Variants in SRGAP1 observed in about 807,000 individuals in gnomAD.
The protein encoded by SRGAP1 is SLIT-ROBO Rho GTPase activating protein 1, also known as SLIT-ROBO Rho GTPase-activating protein 1.
Under a neutral mutation model 121.9 loss-of-function variants are expected in SRGAP1, and 43 were observed. That is an observed-to-expected ratio of 0.35 (90% CI 0.28 to 0.46). The LOEUF is 0.46. SRGAP1 is among the 20% of genes least tolerant of loss of function. SRGAP1 has a pLI of 1.00. For missense variants in SRGAP1, 1,102 were observed against 1,350.9 expected (o/e 0.82, Z 2.89); for synonymous variants, 447 against 485.4 (o/e 0.92, Z 1.04).
intron 1 of SRGAP1, among the ~76,000 whole-genome samples, chr12:63,896,522 CTG>C (rs1333956785): frequency 6.6e-6 from 1 of 152,104 alleles, no homozygotes; most frequent in Non-Finnish European, 1.5e-5. Context: ...ATAAGGCAGA[CTG>C]TGGGTAAGAG....
intron 1 of SRGAP1, among the ~76,000 whole-genome samples, chr12:63,909,046 C>T (rs2030362836): frequency 6.6e-6 from 1 of 152,124 alleles, no homozygotes; most frequent in African/African-American, 2.4e-5. Context: ...CATGCCATCA[C>T]ACCCAGCTAA....
At chr12:64,031,643 A>G (rs7295635) in intron 4 of SRGAP1, among the ~76,000 whole-genome samples, 58,763 of 151,930 alleles carry the variant, frequency 0.39, 12,073 homozygotes, top group Non-Finnish European at 0.48. Flanking sequence ...GTCATCCTAC[A>G]CTATTTCCTC....
At chr12:63,973,171 A>G (rs2033005373) in intron 1 of SRGAP1, among the ~76,000 whole-genome samples, 1 of 152,166 alleles carries the variant, frequency 6.6e-6, no homozygotes, top group South Asian at 2.1e-4. Flanking sequence ...AGTAAATGAT[A>G]GAAATGACAC....
chr12:63,912,729 A>T (rs974118810), intron 1 of SRGAP1, among the ~76,000 whole-genome samples: 1 of 152,182 alleles, frequency 6.6e-6, no homozygotes, highest in Non-Finnish European at 1.5e-5. Context: ...AGAGAAATAT[A>T]AACGCTGTTG....
intron 1 of SRGAP1, among the ~76,000 whole-genome samples, chr12:63,962,313 T>C (rs2032665771): frequency 2.0e-5 from 3 of 152,220 alleles, no homozygotes; most frequent in African/African-American, 7.2e-5. Context: ...AATTCTAGTT[T>C]AAGGAGACTT....
rs1184361070 is a variant in SRGAP1 at position 63,867,425 on chromosome 12, A to G, written c.67+22542A>G. On this transcript the variant is annotated intron_variant, in intron 1 of 21. Transcript: ENST00000355086. ...AATGGAATAGTGGTGGCATTTACCA[A>G]TAGCCACCTCTGTACTTTTATCTGC... Among the ~76,000 whole-genome samples the G allele has an allele frequency of 3.9e-5, 6 of 152,200 alleles. No homozygotes were observed. The East Asian group carries it at 5.8e-4, about 15-fold the overall frequency.
At position 64,116,771 on chromosome 12, in the gene SRGAP1, G is replaced by A. The variant is rs1208931570; in HGVS notation, c.2224+878G>A. ...CTAGGATGTATGCCTAGGAGTAACCGTGTCTTCAGCTTTACTCTATACTGT... is the reference window on the plus strand; with the variant it reads ...CTAGGATGTATGCCTAGGAGTAACCATGTCTTCAGCTTTACTCTATACTGT... On this transcript the variant is annotated intron_variant, in intron 18 of 21. Coordinates refer to ENST00000355086, the MANE Select transcript of SRGAP1 (RefSeq NM_020762.4). Among the ~76,000 whole-genome samples, 10 of 152,160 alleles carry A rather than the reference G, an allele frequency of 6.6e-5. No individual in the cohort carries two copies. In the East Asian group the frequency reaches 1.7e-3, roughly 26 times the overall value.
intron 8 of SRGAP1, among the ~76,000 whole-genome samples, chr12:64,068,838 C>T (rs953184338): frequency 1.1e-4 from 16 of 151,484 alleles, no homozygotes; most frequent in Admixed American, 9.2e-4. Flanking sequence ...GGCAAAACGC[C>T]GTCTCTACTA....
At chr12:63,880,924 C>T (rs2136286122) in intron 1 of SRGAP1, among the ~76,000 whole-genome samples, 1 of 152,290 alleles carries the variant, frequency 6.6e-6, no homozygotes, top group South Asian at 2.1e-4. Flanking sequence ...ACCAGCCTTC[C>T]TTTATCTGCA....
At chr12:64,068,433 C>T (rs1399594898) in intron 8 of SRGAP1, among the ~76,000 whole-genome samples, 1 of 151,908 alleles carries the variant, frequency 6.6e-6, no homozygotes, top group Non-Finnish European at 1.5e-5. Context: ...CTCACAGGCT[C>T]AGGTGATCCT....
chr12:63,966,955 G>C (rs1295667785), intron 1 of SRGAP1, among the ~76,000 whole-genome samples: 2 of 152,038 alleles, frequency 1.3e-5, no homozygotes, highest in African/African-American at 4.8e-5. Flanking sequence ...TTTTTCCTAA[G>C]AATTTCCATA....
chr12:63,981,973 G>A (rs910962435), intron 1 of SRGAP1, among the ~76,000 whole-genome samples: 1 of 152,122 alleles, frequency 6.6e-6, no homozygotes, highest in Admixed American at 6.5e-5. Context: ...CAGCACTTTG[G>A]GAGGCCGAGG....
rs1382999549 is a variant in SRGAP1, at chr12:64,161,173, A to G, written c.*18501A>G. The G allele has an allele frequency of 6.6e-6, 1 of 152,220 alleles. No homozygotes were observed. The highest frequency in any genetic ancestry group is 2.1e-4 in the South Asian group (1 of 4,836). The allele number at this position is 152,220 out of a possible 1,614,324, so 9.4% of individuals were successfully genotyped here. A position where few individuals can be genotyped will look rare whatever the true frequency, so the allele number is the denominator to read the frequency against. Reference sequence around the variant, plus strand: ...TATGTACATAAGTAGATAAAAATTAATTCATTCTCAAAATCTTCCACAGAA... The same window carrying G: ...TATGTACATAAGTAGATAAAAATTAGTTCATTCTCAAAATCTTCCACAGAA... On this transcript the variant is annotated 3_prime_UTR_variant, in exon 22 of 22. Coordinates refer to ENST00000355086, the MANE Select transcript of SRGAP1 (RefSeq NM_020762.4).
chr12:64,104,102 C>T (rs2036301402), intron 15 of SRGAP1, among the ~76,000 whole-genome samples: 1 of 152,148 alleles, frequency 6.6e-6, no homozygotes, highest in Admixed American at 6.5e-5. Flanking sequence ...CAAACAAATA[C>T]TTCTACAAAT....
At chr12:64,134,297 T>C (rs1475711639) in intron 21 of SRGAP1, among the ~76,000 whole-genome samples, 5 of 151,874 alleles carry the variant, frequency 3.3e-5, no homozygotes, top group Admixed American at 1.3e-4. Context: ...GGTGGGTGCC[T>C]GTAGTCCCAG....
intron 19 of SRGAP1, among the ~76,000 whole-genome samples, chr12:64,127,225 G>A (rs574447167): frequency 1.8e-4 from 28 of 152,136 alleles, no homozygotes; most frequent in African/African-American, 6.5e-4. Context: ...TAAGCAACAC[G>A]TGACTGTAGT....
intron 1 of SRGAP1, chr12:63,887,888 C>T (rs1900445165): frequency 6.6e-6 from 1 of 152,202 alleles, no homozygotes; most frequent in Admixed American, 6.5e-5. Context: ...CATGATCTGC[C>T]TTGACAGGTA....
At chr12:64,065,014 T>C in intron 7 of SRGAP1, 104 bp from the exon 8 acceptor site, 1 of 747,542 alleles carries the variant, frequency 1.3e-6, no homozygotes, top group Admixed American at 3.2e-5. Context: ...AATTGGAACC[T>C]TGAGAGGATT....
chr12:64,106,009 C>A (rs1055970574), intron 15 of SRGAP1, among the ~76,000 whole-genome samples: 2 of 152,138 alleles, frequency 1.3e-5, no homozygotes, highest in African/African-American at 4.8e-5. Flanking sequence ...TGATAGTTGA[C>A]CTTAACTTTA....
Sources: gnomAD v4.1 joint callset for allele counts (sites outside exome capture counted in the v4.1 genomes callset) on GRCh38, gnomAD v4.1.1 for gene constraint, MANE v1.5 for transcripts, NCBI Gene and HGNC (gene_info 2026-07-23, HGNC 2026-07-21) for gene names.